The following FRMD5 variants were observed in gnomAD, a reference collection of about 807,000 sequenced individuals.
FRMD5 encodes FERM domain-containing protein 5.
A neutral mutation model predicts 69.0 loss-of-function variants in FRMD5; 20 were observed. That is an observed-to-expected ratio of 0.29 (90% CI 0.20 to 0.42). FRMD5 has a LOEUF of 0.42. Ranked by LOEUF, FRMD5 falls within the 10% of genes least tolerant of loss-of-function variation. The pLI, the probability that FRMD5 is intolerant of heterozygous loss-of-function variation, is 1.00. For synonymous variants in FRMD5, 271 were observed against 260.1 expected, an observed-to-expected ratio of 1.04 and a Z score of -0.40; for missense variants, 595 against 708.6, an observed-to-expected ratio of 0.84 and a Z score of 1.82.
At chr15:44,088,994 T>G (rs1338074604) in intron 1 of FRMD5, among the ~76,000 whole-genome samples, 1 of 152,234 alleles carries the variant, frequency 6.6e-6, no homozygotes, top group Non-Finnish European at 1.5e-5. Context: ...ATGTATAATA[T>G]AAATGGATTC....
chr15:44,001,611 G>GT (rs35453119), intron 1 of FRMD5, among the ~76,000 whole-genome samples: 4,339 of 138,060 alleles, frequency 0.031, 177 homozygotes, highest in African/African-American at 0.095. Context: ...CAATTTTATT[G>GT]TTTTTTTTTT....
intron 1 of FRMD5, among the ~76,000 whole-genome samples, chr15:43,959,251 G>A (rs2090160594): frequency 6.6e-6 from 1 of 152,156 alleles, no homozygotes; most frequent in Admixed American, 6.5e-5. Flanking sequence ...TGTGAGTACT[G>A]CCAGAATGAT....
intron 1 of FRMD5, among the ~76,000 whole-genome samples, chr15:44,116,458 C>T (rs1303038051): frequency 6.6e-6 from 1 of 152,144 alleles, no homozygotes; most frequent in East Asian, 1.9e-4. Flanking sequence ...CTGGCAGAGC[C>T]TGTGTCCTGA....
chr15:44,153,892 C>A (rs2140479557), intron 1 of FRMD5, among the ~76,000 whole-genome samples: 1 of 152,094 alleles, frequency 6.6e-6, no homozygotes, highest in South Asian at 2.1e-4. Context: ...TGCTTGAACC[C>A]AGGAGGTAGA....
intron 1 of FRMD5, among the ~76,000 whole-genome samples, chr15:44,158,477 T>C (rs1014372596): frequency 6.6e-6 from 1 of 152,204 alleles, no homozygotes; most frequent in Non-Finnish European, 1.5e-5. Flanking sequence ...TCTTGGAAAC[T>C]GTTCTGGATA....
At chr15:44,155,357 A>G (rs191930534) in intron 1 of FRMD5, among the ~76,000 whole-genome samples, 67 of 149,450 alleles carry the variant, frequency 4.5e-4, no homozygotes, top group Non-Finnish European at 7.5e-5. Flanking sequence ...GCTTGAACCC[A>G]GGAGGCAGAG....
chr15:44,051,139 CTTTTTTTTT>C (rs779951038), intron 1 of FRMD5, among the ~76,000 whole-genome samples: 8 of 78,396 alleles, frequency 1.0e-4, no homozygotes, highest in Non-Finnish European at 1.7e-4. Flanking sequence ...CATTCAGTCA[CTTTTTTTTT>C]TTTTTTTTTT....
At chr15:43,879,992 GAGGCCTGGATA>G (rs2140345180) in intron 13 of FRMD5, 1 of 201,562 alleles carries the variant, frequency 5.0e-6, no homozygotes. Context: ...CTCTTTCCCT[GAGGCCTGGATA>G]AGGGCTCCAA....
intron 1 of FRMD5, among the ~76,000 whole-genome samples, chr15:43,935,119 T>C (rs1359994998): frequency 9.2e-5 from 14 of 152,198 alleles, no homozygotes; most frequent in Non-Finnish European, 1.3e-4. Flanking sequence ...ACTTGTTAGT[T>C]TCCTGAAGGT....
At chr15:44,179,800 G>T (rs541741444) in intron 1 of FRMD5, among the ~76,000 whole-genome samples, 54 of 152,284 alleles carry the variant, frequency 3.5e-4, no homozygotes, top group Admixed American at 3.3e-4. Context: ...TAAGTTACCT[G>T]ACCAAGGTCT....
Position 43,874,014 on chromosome 15 carries a change from GT to G in FRMD5, c.1583del (p.Asp528AlafsTer37). 6.2e-7 allele frequency: 1 copy of G among 1,614,230 alleles called. No homozygotes were observed. The highest frequency in any genetic ancestry group is 8.5e-7 in the Non-Finnish European group (1 of 1,180,046). On this transcript the variant is annotated frameshift_variant, in exon 14 of 14. Transcript: ENST00000417257. LOFTEE classifies it high-confidence loss of function. ...GGCGGATATCACGGAAAAAGGCAAT[GT>G]CAAGGTCAGACTCGGTAAGGATGAT... is the stretch of plus-strand genomic sequence containing the variant. ...LLIILTESDLDIAFFRDIRQT... is the reference protein window; with the variant it reads ...LLIILTESDLXIAFFRDIRQT...
intron 1 of FRMD5, among the ~76,000 whole-genome samples, chr15:43,988,195 G>A (rs964708986): frequency 1.3e-5 from 2 of 152,248 alleles, no homozygotes; most frequent in Non-Finnish European, 2.9e-5. Flanking sequence ...GTGTGGCCTG[G>A]TCTGTGGCCT....
In FRMD5 at chr15:44,178,993, GAAATAAAT is replaced by G. The variant is rs58781373; in HGVS notation, c.102+15952_102+15959del. Reference sequence around the variant, plus strand: ...GGCAACAAGAGTGAAACTCTGTCTTGAAATAAATAAATAAATAAATAAATAAATAAATA... The same window carrying G: ...GGCAACAAGAGTGAAACTCTGTCTTGAAATAAATAAATAAATAAATAAATA... On this transcript the variant is annotated intron_variant, in intron 1 of 13. Transcript: ENST00000417257. Among the ~76,000 whole-genome samples, 40 of 151,476 alleles carry G rather than the reference GAAATAAAT, an allele frequency of 2.6e-4. No individual in the cohort carries two copies. The South Asian group carries it at 2.7e-3, about 10-fold the overall frequency.
chr15:43,989,880 G>A (rs1889586630), intron 1 of FRMD5: 21 of 1,053,024 alleles, frequency 2.0e-5, no homozygotes, highest in Non-Finnish European at 2.5e-5. Context: ...GCAGCATGGG[G>A]TGCTCCTTGG....
At chr15:44,020,501 A>G (rs1188348736) in intron 1 of FRMD5, among the ~76,000 whole-genome samples, 4 of 152,222 alleles carry the variant, frequency 2.6e-5, no homozygotes, top group South Asian at 2.1e-4. Context: ...AAATTTTTAA[A>G]AACTAGCTCC....
chr15:43,883,764 G>T lies in FRMD5; in HGVS notation c.1074C>A (p.Gly358=), dbSNP rs1000937569. 7 of 1,614,070 alleles carry T rather than the reference G, an allele frequency of 4.3e-6. No individual in the cohort carries two copies. Among genetic ancestry groups the T allele is most frequent in the Non-Finnish European group, 5.9e-6 (7 of 1,179,938 alleles). ...PSRSCPSITH[G]PRLSSVPRTR... ...TCCTGGGGACGCTGCTCAGCCTTGGGCCATGGGTTATGGAGGGACAGCTCC... is the reference window on the plus strand; with the variant it reads ...TCCTGGGGACGCTGCTCAGCCTTGGTCCATGGGTTATGGAGGGACAGCTCC... Residue 358 remains glycine (G), a synonymous_variant, in exon 13 of 14, where the codon GGC becomes GGA. Coordinates refer to ENST00000417257, the MANE Select transcript of FRMD5 (RefSeq NM_032892.5).
intron 1 of FRMD5, among the ~76,000 whole-genome samples, chr15:43,975,905 C>T (rs2090454678): frequency 6.6e-6 from 1 of 152,026 alleles, no homozygotes; most frequent in Non-Finnish European, 1.5e-5. Flanking sequence ...CAGTGTGGTA[C>T]TGACACAAAG....
chr15:44,185,814 G>C (rs1246673647), intron 1 of FRMD5, among the ~76,000 whole-genome samples: 2 of 151,608 alleles, frequency 1.3e-5, no homozygotes, highest in Non-Finnish European at 2.9e-5. Context: ...AAATGCTCTA[G>C]AGGCAAAAAA....
At chr15:43,875,373 T>A (rs1251433253) in intron 13 of FRMD5, among the ~76,000 whole-genome samples, 99 of 134,916 alleles carry the variant, frequency 7.3e-4, no homozygotes, top group African/African-American at 1.5e-3. Context: ...AATATATATA[T>A]ATATATATAT....
Sources: gnomAD v4.1 joint callset for allele counts (sites outside exome capture counted in the v4.1 genomes callset) on GRCh38, gnomAD v4.1.1 for gene constraint, MANE v1.5 for transcripts, NCBI Gene and HGNC (gene_info 2026-07-23, HGNC 2026-07-21) for gene names.